Variants in RBPMS observed in about 807,000 individuals in gnomAD.
RBPMS encodes RNA binding protein, mRNA processing factor.
Under a neutral mutation model 26.8 loss-of-function variants are expected in RBPMS, and 7 were observed. The ratio of observed to expected loss-of-function variants is 0.26; its 90% CI spans 0.15 to 0.49. The LOEUF is 0.49. Ranked by LOEUF, RBPMS falls within the 20% of genes least tolerant of loss-of-function variation. RBPMS has a pLI of 0.98. For missense variants in RBPMS, 186 were observed against 250.0 expected, an observed-to-expected ratio of 0.74 and a Z score of 1.73; for synonymous variants, 96 against 93.3, an observed-to-expected ratio of 1.03 and a Z score of -0.17.
At chr8:30,558,791 G>T in intron 6 of RBPMS, 96 bp from the exon 7 acceptor site, 1 of 1,016,076 alleles carries the variant, frequency 9.8e-7, no homozygotes, top group Non-Finnish European at 1.6e-6. Context: ...GTACCATCTT[G>T]GAACAGTAGG....
intron 5 of RBPMS, among the ~76,000 whole-genome samples, chr8:30,540,727 C>A (rs1474768206): frequency 6.6e-6 from 1 of 152,182 alleles, no homozygotes; most frequent in African/African-American, 2.4e-5. Flanking sequence ...CTGCACGCAG[C>A]CAAACTGTGT....
chr8:30,420,033 T>C (rs1028718213), intron 1 of RBPMS, among the ~76,000 whole-genome samples: 1 of 152,138 alleles, frequency 6.6e-6, no homozygotes, highest in Non-Finnish European at 1.5e-5. Flanking sequence ...GAGACCAGCC[T>C]GGGCAACATG....
intron 5 of RBPMS, among the ~76,000 whole-genome samples, chr8:30,520,886 T>A (rs913560362): frequency 8.5e-5 from 13 of 152,258 alleles, no homozygotes; most frequent in African/African-American, 2.9e-4. Context: ...ACACTGGGAT[T>A]ACTAGTGGCT....
chr8:30,438,111 A>G (rs1424071180), intron 1 of RBPMS, among the ~76,000 whole-genome samples: 1 of 152,102 alleles, frequency 6.6e-6, no homozygotes, highest in Non-Finnish European at 1.5e-5. Flanking sequence ...AGTTTTTGGT[A>G]AAATAAGCTA....
At chr8:30,453,382 G>A (rs984420605) in intron 1 of RBPMS, among the ~76,000 whole-genome samples, 1 of 152,140 alleles carries the variant, frequency 6.6e-6, no homozygotes, top group Non-Finnish European at 1.5e-5. Flanking sequence ...CTCTTTATAA[G>A]TAGGAAGCAC....
chr8:30,558,167 T>C (rs1827129369), intron 6 of RBPMS: 1 of 152,434 alleles, frequency 6.6e-6, no homozygotes, highest in African/African-American at 2.4e-5. Flanking sequence ...CCCATTTTTT[T>C]TTTTCATGTT....
chr8:30,532,161 A>G (rs984381866), intron 5 of RBPMS, among the ~76,000 whole-genome samples: 9 of 152,204 alleles, frequency 5.9e-5, no homozygotes, highest in South Asian at 2.1e-4. Flanking sequence ...TCTTAGTACA[A>G]AAGAGCTGAA....
intron 8 of RBPMS, among the ~76,000 whole-genome samples, chr8:30,569,510 A>G (rs985025181): frequency 2.0e-5 from 3 of 152,182 alleles, no homozygotes; most frequent in African/African-American, 7.2e-5. Context: ...AAGAACAGGC[A>G]CGGCACGCTC....
At chr8:30,412,001 AC>A (rs374780888) in intron 1 of RBPMS, among the ~76,000 whole-genome samples, 303 of 136,028 alleles carry the variant, frequency 2.2e-3, no homozygotes, top group African/African-American at 6.7e-3. Flanking sequence ...AAAAAAAAAA[AC>A]AAAAACAAAA....
intron 5 of RBPMS, among the ~76,000 whole-genome samples, chr8:30,514,067 C>T (rs1822026154): frequency 6.6e-6 from 1 of 152,132 alleles, no homozygotes; most frequent in African/African-American, 2.4e-5. Context: ...AAGACAGTGG[C>T]ACCAAAATAC....
At chr8:30,513,012 T>G (rs1446139740) in intron 5 of RBPMS, among the ~76,000 whole-genome samples, 1 of 135,934 alleles carries the variant, frequency 7.4e-6, no homozygotes, top group Non-Finnish European at 1.6e-5. Flanking sequence ...CACCCCACCC[T>G]GAGATTTTGG....
In RBPMS at chr8:30,466,593, T is replaced by C. The variant is rs908517175; in HGVS notation, c.67-8186T>C. ...GTTTTGGTTTTTCTTTCTTTCTTTT[T>C]TTTCTTTTTTTTTTTTTTTGAGACG... On this transcript the variant is annotated intron_variant, in intron 1 of 8. Transcript: ENST00000397323. Among the ~76,000 whole-genome samples, 36 of 150,948 alleles carry C rather than the reference T, an allele frequency of 2.4e-4. 1 individual carries two copies. Among genetic ancestry groups the C allele is most frequent in the Non-Finnish European group, 3.8e-4 (26 of 67,882 alleles).
intron 1 of RBPMS, among the ~76,000 whole-genome samples, chr8:30,473,028 A>G (rs1817304932): frequency 6.6e-6 from 1 of 152,234 alleles, no homozygotes; most frequent in South Asian, 2.1e-4. Context: ...ACAATTGAGC[A>G]TCGAATTTTC....
At chr8:30,431,730 G>A (rs1348381863) in intron 1 of RBPMS, among the ~76,000 whole-genome samples, 2 of 152,042 alleles carry the variant, frequency 1.3e-5, no homozygotes, top group South Asian at 2.1e-4. Flanking sequence ...GGGATTACAG[G>A]TGTGAGCCAC....
At chr8:30,433,199 C>T (rs1812124723) in intron 1 of RBPMS, among the ~76,000 whole-genome samples, 1 of 152,180 alleles carries the variant, frequency 6.6e-6, no homozygotes, top group East Asian at 1.9e-4. Flanking sequence ...AGAGTCATTA[C>T]TAAAAGAGAT....
intron 6 of RBPMS, chr8:30,544,869 C>G: frequency 6.6e-7 from 1 of 1,506,076 alleles, no homozygotes; most frequent in Admixed American, 2.0e-5. Context: ...TTAATGATCT[C>G]ACCTCATATC....
rs1281997617 is a variant in RBPMS at position 30,524,286 on chromosome 8, A to AC, written c.397+19850_397+19851insC. 2.2e-4 allele frequency among the ~76,000 whole-genome samples: 34 copies of AC among 152,194 alleles called. No individual in the cohort carries two copies. In the East Asian group the frequency reaches 6.2e-3, roughly 28 times the overall value. On this transcript the variant is annotated intron_variant, in intron 5 of 8. Transcript: ENST00000397323. ...TTGTTTATTGTCTTTTGGTTATGTT[A>AC]ATGTATTTCATTAAATTAAAAAATA... is the stretch of plus-strand genomic sequence containing the variant.
intron 5 of RBPMS, among the ~76,000 whole-genome samples, chr8:30,536,231 C>G (rs748006420): frequency 6.6e-6 from 1 of 151,850 alleles, no homozygotes; most frequent in Admixed American, 6.6e-5. Flanking sequence ...AGGTTCAAGC[C>G]ATTCTCCTGC....
intron 6 of RBPMS, chr8:30,556,055 C>T (rs1826876400): frequency 1.0e-6 from 1 of 985,318 alleles, no homozygotes; most frequent in Non-Finnish European, 1.2e-6. Context: ...CGGAGCCTCT[C>T]AGGCTGGAAG....
Sources: allele counts gnomAD v4.1 joint callset (sites outside exome capture counted in the v4.1 genomes callset), GRCh38; gene constraint gnomAD v4.1.1; transcripts MANE v1.5; gene names NCBI Gene and HGNC (gene_info 2026-07-23, HGNC 2026-07-21).